The following HS3ST4 variants were observed in gnomAD, a reference collection of about 807,000 sequenced individuals.
HS3ST4 encodes heparan sulfate-glucosamine 3-sulfotransferase 4, also known as heparan sulfate glucosamine 3-O-sulfotransferase 4.
HS3ST4 carries 17 observed loss-of-function variants against 29.2 expected under a neutral mutation model. That is an observed-to-expected ratio of 0.58 (90% CI 0.40 to 0.87). The LOEUF (loss-of-function observed/expected upper bound fraction) is 0.87, where lower values mean the gene tolerates loss of function less well. HS3ST4 is among the 40% of genes least tolerant of loss of function. The pLI is 0.00. For missense variants in HS3ST4, 627 were observed against 634.5 expected, an observed-to-expected ratio of 0.99 and a Z score of 0.13; for synonymous variants, 314 against 285.7, an observed-to-expected ratio of 1.10 and a Z score of -1.00.
In HS3ST4 at chr16:26,119,781, G is replaced by A. The variant is rs1166266448; in HGVS notation, c.735-15831G>A. On this transcript the variant is annotated intron_variant, in intron 1 of 1. Transcript: ENST00000331351. ...TGCCAGGCACTATGTGGCATGCTGG[G>A]AGCACACAAACTATAGAAAAGTGCA... 2.6e-5 allele frequency among the ~76,000 whole-genome samples: 4 copies of A among 152,074 alleles called. No individual in the cohort carries two copies. The East Asian group carries it at 5.8e-4, about 22-fold the overall frequency.
chr16:25,714,251 A>G (rs867715703), intron 1 of HS3ST4, among the ~76,000 whole-genome samples: 3 of 152,164 alleles, frequency 2.0e-5, no homozygotes, highest in South Asian at 2.1e-4. Context: ...ACGGCTCATC[A>G]TCCTCCTTCC....
chr16:25,706,735 C>G (rs1966378826), intron 1 of HS3ST4, among the ~76,000 whole-genome samples: 1 of 152,080 alleles, frequency 6.6e-6, no homozygotes, highest in Non-Finnish European at 1.5e-5. Context: ...GATTAGCTGG[C>G]AAAGGGGAAT....
chr16:25,796,934 T>A (rs1245104387), intron 1 of HS3ST4, among the ~76,000 whole-genome samples: 1 of 152,174 alleles, frequency 6.6e-6, no homozygotes, highest in African/African-American at 2.4e-5. Context: ...AGTGCCTTAG[T>A]GTCATGGGCC....
intron 1 of HS3ST4, among the ~76,000 whole-genome samples, chr16:26,010,949 C>G (rs1389581192): frequency 1.3e-5 from 2 of 152,188 alleles, no homozygotes; most frequent in Non-Finnish European, 2.9e-5. Flanking sequence ...ATGACAATAG[C>G]TACTCTCTCC....
chr16:25,870,744 A>T (rs1967742901), intron 1 of HS3ST4, among the ~76,000 whole-genome samples: 2 of 152,204 alleles, frequency 1.3e-5, no homozygotes, highest in South Asian at 4.1e-4. Flanking sequence ...AGAAACTGGT[A>T]CAGAAACAGG....
At chr16:26,062,064 GGA>G (rs765996291) in intron 1 of HS3ST4, among the ~76,000 whole-genome samples, 11 of 152,152 alleles carry the variant, frequency 7.2e-5, no homozygotes, top group Non-Finnish European at 1.3e-4. Context: ...AGTTGCTGAT[GGA>G]GTTCTACCTG....
At chr16:25,864,897 T>C (rs1967677566) in intron 1 of HS3ST4, among the ~76,000 whole-genome samples, 1 of 150,690 alleles carries the variant, frequency 6.6e-6, no homozygotes, top group African/African-American at 2.4e-5. Flanking sequence ...TATATATATA[T>C]AGAATATATA....
At chr16:25,761,820 C>G (rs1435741816) in intron 1 of HS3ST4, among the ~76,000 whole-genome samples, 7 of 152,216 alleles carry the variant, frequency 4.6e-5, no homozygotes, top group Admixed American at 3.3e-4. Flanking sequence ...CAGCTACACA[C>G]TCTTTCTATA....
chr16:25,817,034 G>A (rs910678211), intron 1 of HS3ST4, among the ~76,000 whole-genome samples: 1 of 152,220 alleles, frequency 6.6e-6, no homozygotes, highest in Admixed American at 6.5e-5. Context: ...ATTTCAACAT[G>A]TGTTTTGCAG....
chr16:25,751,767 A>G (rs951297307), intron 1 of HS3ST4, among the ~76,000 whole-genome samples: 9 of 152,072 alleles, frequency 5.9e-5, no homozygotes, highest in Admixed American at 6.6e-5. Context: ...TTCCACTGCT[A>G]TTTGGCTTAC....
intron 1 of HS3ST4, among the ~76,000 whole-genome samples, chr16:26,099,159 G>A (rs1289163825): frequency 1.3e-5 from 2 of 152,126 alleles, no homozygotes; most frequent in Non-Finnish European, 2.9e-5. Context: ...ATATGTCAGA[G>A]CTAATTTTTT....
Position 26,063,647 on chromosome 16 carries a change from G to C in HS3ST4, c.735-71965G>C, listed in dbSNP as rs961877221. Reference sequence around the variant, plus strand: ...GGAGTTTGAGGCTGCAGTGAGCTATGATTGCACCACTGCACTCCAGCCTGG... The same window carrying C: ...GGAGTTTGAGGCTGCAGTGAGCTATCATTGCACCACTGCACTCCAGCCTGG... On this transcript the variant is annotated intron_variant, in intron 1 of 1. Coordinates refer to ENST00000331351, the MANE Select transcript of HS3ST4 (RefSeq NM_006040.3). 2.0e-5 allele frequency among the ~76,000 whole-genome samples: 3 copies of C among 152,124 alleles called. No homozygotes were observed. The East Asian group carries it at 5.8e-4, about 29-fold the overall frequency.
intron 1 of HS3ST4, among the ~76,000 whole-genome samples, chr16:26,052,914 A>G (rs999737675): frequency 6.6e-6 from 1 of 152,204 alleles, no homozygotes; most frequent in Non-Finnish European, 1.5e-5. Flanking sequence ...CCAATTTACT[A>G]AATGTCTGCT....
rs181110011 is a variant in HS3ST4, at chr16:25,799,836, C to G, written c.734+106685C>G. Among the ~76,000 whole-genome samples, 7 of 152,088 alleles carry G rather than the reference C, an allele frequency of 4.6e-5. No homozygotes were observed. In the East Asian group the frequency reaches 1.4e-3, roughly 29 times the overall value. On this transcript the variant is annotated intron_variant, in intron 1 of 1. Coordinates refer to ENST00000331351, the MANE Select transcript of HS3ST4 (RefSeq NM_006040.3). ...TCTGTCTATCTATCTATGTATCTAC[C>G]CATCTATCTATCTATCCATTTTTTT...
chr16:25,719,738 T>C (rs1456949893), intron 1 of HS3ST4, among the ~76,000 whole-genome samples: 1 of 152,238 alleles, frequency 6.6e-6, no homozygotes, highest in Non-Finnish European at 1.5e-5. Context: ...TTAACTTTTA[T>C]GGGGCAGAGA....
chr16:26,010,623 G>A (rs1969301981), intron 1 of HS3ST4, among the ~76,000 whole-genome samples: 1 of 152,012 alleles, frequency 6.6e-6, no homozygotes, highest in South Asian at 2.1e-4. Flanking sequence ...TGTTCTAGAA[G>A]GATTTTACCT....
At chr16:25,880,633 A>G (rs1200935064) in intron 1 of HS3ST4, among the ~76,000 whole-genome samples, 1 of 152,188 alleles carries the variant, frequency 6.6e-6, no homozygotes, top group African/African-American at 2.4e-5. Context: ...GCCTGGCACT[A>G]ATGGGCATTT....
chr16:26,135,648 C>T lies in HS3ST4; in HGVS notation c.771C>T (p.Thr257=). 13 of 1,611,600 alleles carry T rather than the reference C, an allele frequency of 8.1e-6. No homozygotes were observed. Among genetic ancestry groups the T allele is most frequent in the Non-Finnish European group, 1.1e-5 (13 of 1,178,956 alleles). ...CCAAGACTTTGGATGGGCAAATAAC[C>T]ATGGAGAAGACTCCAAGTTACTTTG... ...VMPKTLDGQI[T]MEKTPSYFVT... Residue 257 remains threonine, a synonymous_variant, in exon 2 of 2, where the codon ACC becomes ACT. Transcript: ENST00000331351.
intron 1 of HS3ST4, among the ~76,000 whole-genome samples, chr16:26,121,146 A>G (rs1228706301): frequency 6.6e-6 from 1 of 152,208 alleles, no homozygotes; most frequent in African/African-American, 2.4e-5. Flanking sequence ...GAGGTCTTCC[A>G]AAGTTATTTC....
Sources: allele counts gnomAD v4.1 joint callset (sites outside exome capture counted in the v4.1 genomes callset), GRCh38; gene constraint gnomAD v4.1.1; transcripts MANE v1.5; gene names NCBI Gene and HGNC (gene_info 2026-07-23, HGNC 2026-07-21).